SRRM3: variants seen among roughly 807,000 people sequenced by gnomAD.
SRRM3 encodes the protein serine/arginine repetitive matrix protein 3.
Under a neutral mutation model 66.2 loss-of-function variants are expected in SRRM3, and 27 were observed. The observed-to-expected ratio is 0.41, with a 90% CI of 0.30 to 0.56. The LOEUF is 0.56. Among genes scored for constraint, SRRM3 ranks in the 20% least tolerant of loss-of-function variants. The pLI, the probability that SRRM3 is intolerant of heterozygous loss-of-function variation, is 0.32. For missense variants in SRRM3, 918 were observed against 991.9 expected (o/e 0.93, Z 1.00); for synonymous variants, 391 against 414.9 (o/e 0.94, Z 0.70).
intron 3 of SRRM3, 92 bp from the exon 4 acceptor site, chr7:76,259,814 A>G: frequency 6.3e-7 from 1 of 1,575,520 alleles, no homozygotes; most frequent in South Asian, 1.1e-5. Flanking sequence ...CAGCCCGCAG[A>G]CTTGCGGGGC....
intron 3 of SRRM3, among the ~76,000 whole-genome samples, chr7:76,251,121 G>A (rs527515969): frequency 6.6e-6 from 1 of 152,158 alleles, no homozygotes; most frequent in East Asian, 1.9e-4. Context: ...TCTCTACCCA[G>A]GGCAGAGCCC....
At chr7:76,236,051 GC>G (rs1554604867) in intron 2 of SRRM3, among the ~76,000 whole-genome samples, 2 of 136,684 alleles carry the variant, frequency 1.5e-5, no homozygotes, top group Non-Finnish European at 3.1e-5. Context: ...GGTGGCTCAC[GC>G]CTGTAATCTC....
At chr7:76,271,525 T>C (rs568193362) in intron 11 of SRRM3, among the ~76,000 whole-genome samples, 2 of 151,986 alleles carry the variant, frequency 1.3e-5, no homozygotes, top group South Asian at 4.2e-4. Flanking sequence ...ACACCTGTAA[T>C]CCCAGCTACT....
At chr7:76,214,634 C>T (rs1800513338) in intron 1 of SRRM3, among the ~76,000 whole-genome samples, 1 of 152,134 alleles carries the variant, frequency 6.6e-6, no homozygotes, top group Admixed American at 6.6e-5. Context: ...TGTGCACCTC[C>T]TGGCACCTCT....
intron 8 of SRRM3, among the ~76,000 whole-genome samples, chr7:76,263,259 C>G (rs1801926079): frequency 1.3e-5 from 2 of 152,316 alleles, no homozygotes; most frequent in South Asian, 4.1e-4. Context: ...GCACCCAAAC[C>G]CATAGCCTCC....
In SRRM3 at chr7:76,217,899, A is replaced by G. The variant is rs76658286; in HGVS notation, c.-40+15832A>G. 3.5e-3 allele frequency among the ~76,000 whole-genome samples: 527 copies of G among 152,304 alleles called. 3 individuals are homozygous for G. Among genetic ancestry groups the G allele is most frequent in the African/African-American group, 0.012 (511 of 41,566 alleles). On this transcript the variant is annotated intron_variant, in intron 1 of 14. Transcript: ENST00000611745. ...AGGTAGGATGTTTCTCACGACCCGAACCACTGTGAAGTGTTTCACTTTGAC... is the reference window on the plus strand; with the variant it reads ...AGGTAGGATGTTTCTCACGACCCGAGCCACTGTGAAGTGTTTCACTTTGAC...
intron 1 of SRRM3, among the ~76,000 whole-genome samples, chr7:76,217,445 C>T (rs901777843): frequency 5.3e-5 from 8 of 152,114 alleles, no homozygotes; most frequent in Admixed American, 1.3e-4. Context: ...CCACCACACC[C>T]GGCTAAGTTT....
At chr7:76,226,093 G>A (rs1344190166) in intron 1 of SRRM3, among the ~76,000 whole-genome samples, 8 of 152,242 alleles carry the variant, frequency 5.3e-5, no homozygotes, top group Non-Finnish European at 7.3e-5. Context: ...GCCCCAGGGT[G>A]AGTGCTGACC....
In SRRM3 at chr7:76,211,196, C is replaced by A. The variant is rs554729056; in HGVS notation, c.-40+9129C>A. On this transcript the variant is annotated intron_variant, in intron 1 of 14. Transcript: ENST00000611745. ...ACCGGTGTGGGGAAGGACTCCCTGA[C>A]CTGGTTGACTTTGGTTAACTTTTGA... Among the ~76,000 whole-genome samples, 12 of 152,300 alleles carry A rather than the reference C, an allele frequency of 7.9e-5. 1 individual carries two copies. The South Asian group carries it at 2.1e-3, about 26-fold the overall frequency.
chr7:76,281,405 C>A, intron 11 of SRRM3, 36 bp from the exon 12 acceptor site: 8 of 1,211,998 alleles, frequency 6.6e-6, no homozygotes, highest in Non-Finnish European at 8.3e-6. Context: ...TCTCCCTCTC[C>A]CCCCTCCGTG....
intron 9 of SRRM3, 116 bp from the exon 10 acceptor site, chr7:76,265,248 A>G: frequency 1.5e-6 from 1 of 659,742 alleles, no homozygotes; most frequent in East Asian, 3.0e-5. Flanking sequence ...ACTGATGAAC[A>G]CTGGCTTTCA....
intron 2 of SRRM3, among the ~76,000 whole-genome samples, chr7:76,244,417 C>T (rs1410783382): frequency 2.6e-5 from 4 of 151,458 alleles, no homozygotes; most frequent in African/African-American, 7.3e-5. Context: ...CCCAGCTACC[C>T]GGGAAGCTAA....
At chr7:76,213,576 G>T (rs782271143) in intron 1 of SRRM3, among the ~76,000 whole-genome samples, 2 of 152,132 alleles carry the variant, frequency 1.3e-5, no homozygotes, top group Non-Finnish European at 2.9e-5. Flanking sequence ...ATTGTTGCAG[G>T]TTGTCAGTGC....
chr7:76,257,764 C>T (rs182875828), intron 3 of SRRM3, among the ~76,000 whole-genome samples: 31 of 151,704 alleles, frequency 2.0e-4, no homozygotes, highest in African/African-American at 7.0e-4. Flanking sequence ...AGGGTGAGAC[C>T]CTGTCTCAAA....
intron 2 of SRRM3, among the ~76,000 whole-genome samples, chr7:76,240,744 C>A (rs1305014267): frequency 6.6e-6 from 1 of 152,188 alleles, no homozygotes; most frequent in Non-Finnish European, 1.5e-5. Context: ...TTGGCATGCC[C>A]TTCCCTTATG....
At position 76,260,854 on chromosome 7, in the gene SRRM3, T is replaced by G; in HGVS notation, c.546-20T>G. ...ACCCCATCCATCCGTCTGTCCTTTC[T>G]TCCTGGCATCTGCCCTCAGCAAAAA... is the stretch of plus-strand genomic sequence containing the variant. On this transcript the variant is annotated intron_variant, in intron 5 of 14. Coordinates refer to ENST00000611745, the MANE Select transcript of SRRM3 (RefSeq NM_001110199.3). 2 of 1,556,650 alleles carry G rather than the reference T, an allele frequency of 1.3e-6. No homozygotes were observed. Among genetic ancestry groups the G allele is most frequent in the Non-Finnish European group, 1.7e-6 (2 of 1,149,602 alleles).
intron 2 of SRRM3, among the ~76,000 whole-genome samples, chr7:76,245,142 G>A (rs1554606051): frequency 6.6e-6 from 1 of 152,196 alleles, no homozygotes; most frequent in South Asian, 2.1e-4. Flanking sequence ...TCAAATCTTT[G>A]CCATGATTAT....
At chr7:76,235,427 A>T in intron 2 of SRRM3, 128 bp downstream of exon 2, 1 of 875,966 alleles carries the variant, frequency 1.1e-6, no homozygotes, top group Non-Finnish European at 1.7e-6. Context: ...AGGGGCTATT[A>T]GGGCGGAGTC....
At chr7:76,261,318 C>A in intron 6 of SRRM3, 34 bp from the exon 7 acceptor site, 1 of 459,132 alleles carries the variant, frequency 2.2e-6, no homozygotes, top group Non-Finnish European at 3.9e-6. Flanking sequence ...CCCCCCACCC[C>A]AGCTCACTAG....
Sources: allele counts gnomAD v4.1 joint callset (sites outside exome capture counted in the v4.1 genomes callset), GRCh38; gene constraint gnomAD v4.1.1; transcripts MANE v1.5; gene names NCBI Gene and HGNC (gene_info 2026-07-23, HGNC 2026-07-21).